ADGRF1: variants seen among roughly 807,000 people sequenced by gnomAD.
The protein encoded by ADGRF1 is G protein-coupled receptor 110.
ADGRF1 carries 85 observed loss-of-function variants against 87.2 expected under a neutral mutation model. The observed-to-expected ratio is 0.97, with a 90% CI of 0.82 to 1.17. The LOEUF is 1.17. ADGRF1 is among the 50% of genes most tolerant of loss of function. ADGRF1 has a pLI of 0.00. For synonymous variants in ADGRF1, 430 were observed against 408.8 expected, an observed-to-expected ratio of 1.05 and a Z score of -0.63; for missense variants, 1,169 against 1,077.2, an observed-to-expected ratio of 1.09 and a Z score of -1.19.
At chr6:47,013,145 C>G (rs1355318914) in intron 9 of ADGRF1, 15 of 985,322 alleles carry the variant, frequency 1.5e-5, no homozygotes, top group African/African-American at 1.7e-5. Flanking sequence ...TGGAAAGCAG[C>G]AAAGGAAGGC....
chr6:47,027,842 A>C (rs1020378035), intron 2 of ADGRF1, 81 bp from the exon 3 acceptor site: 2 of 872,882 alleles, frequency 2.3e-6, no homozygotes, highest in Admixed American at 3.9e-5. Flanking sequence ...TCCCAGATGA[A>C]TTAAAATCAT....
chr6:47,010,698 C>T (rs140915528), intron 10 of ADGRF1, among the ~76,000 whole-genome samples: 80 of 152,324 alleles, frequency 5.3e-4, no homozygotes, highest in Middle Eastern at 3.4e-3. Context: ...GCAGACACTA[C>T]TTTGTACTGC....
chr6:47,010,492 CT>C (rs991855143), intron 10 of ADGRF1, among the ~76,000 whole-genome samples, 174 bp from the exon 11 acceptor site: 1 of 152,168 alleles, frequency 6.6e-6, no homozygotes, highest in Non-Finnish European at 1.5e-5. Context: ...ACAGTAGAAG[CT>C]TTGGGCAAAA....
Position 47,014,750 on chromosome 6 carries a change from C to A in ADGRF1, c.858G>T (p.Lys286Asn). Residue 286 changes from lysine to asparagine, a missense_variant, in exon 9 of 15, where the codon AAG becomes AAT. Transcript: ENST00000371253. ...TGACCTGCCACCCAGAGGACTCACA[C>A]TTGGCTGTGATGTTTCCCCTGTAGC... Reference protein sequence around the residue: ...SSGYRGNITAKCESSGWQVIR... With the variant: ...SSGYRGNITANCESSGWQVIR... 6.2e-7 allele frequency: 1 copy of A among 1,614,022 alleles called. No homozygotes were observed. Among genetic ancestry groups the A allele is most frequent in the Non-Finnish European group, 8.5e-7 (1 of 1,179,974 alleles).
At chr6:47,035,829 A>T (rs1780572825) in intron 1 of ADGRF1, among the ~76,000 whole-genome samples, 1 of 152,188 alleles carries the variant, frequency 6.6e-6, no homozygotes, top group Admixed American at 6.5e-5. Flanking sequence ...GCATGTTCTC[A>T]CTTACAGTGG....
At chr6:47,026,991 C>T (rs963562576) in intron 3 of ADGRF1, among the ~76,000 whole-genome samples, 1 of 152,216 alleles carries the variant, frequency 6.6e-6, no homozygotes, top group Non-Finnish European at 1.5e-5. Flanking sequence ...GTCCCTGCCC[C>T]TAGTTCTGTG....
At chr6:47,029,693 A>T (rs1384711342) in intron 1 of ADGRF1, among the ~76,000 whole-genome samples, 1 of 152,236 alleles carries the variant, frequency 6.6e-6, no homozygotes, top group Non-Finnish European at 1.5e-5. Flanking sequence ...TGCATCAAAA[A>T]AATCACAAAA....
chr6:46,999,335 T>C lies in ADGRF1; in HGVS notation c.*887A>G, dbSNP rs1461974383. 1.3e-5 allele frequency: 2 copies of C among 152,182 alleles called. No individual in the cohort carries two copies. Among genetic ancestry groups the C allele is most frequent in the African/African-American group, 4.8e-5 (2 of 41,448 alleles). 9.4% of individuals were successfully genotyped at this position (152,182 alleles called of 1,614,324 possible). On this transcript the variant is annotated 3_prime_UTR_variant, in exon 15 of 15. Coordinates refer to ENST00000371253, the MANE Select transcript of ADGRF1 (RefSeq NM_153840.4). ...CTCTTACATAGAATTCTGGGAATGGTGAACTGTGTAACTGACCTCAGAAAG... is the reference window on the plus strand; with the variant it reads ...CTCTTACATAGAATTCTGGGAATGGCGAACTGTGTAACTGACCTCAGAAAG...
chr6:47,019,358 A>G (rs1779970705), intron 7 of ADGRF1: 15 of 985,352 alleles, frequency 1.5e-5, no homozygotes, highest in Non-Finnish European at 1.8e-5. Flanking sequence ...AATGCCCAGA[A>G]CAACATGTTT....
rs140048130 is a variant in ADGRF1, at chr6:47,028,880, A to G, written c.69+113T>C. Reference sequence around the variant, plus strand: ...ACGAGAACTCAGGACTTCTGATCTCAAGTACATTAAATTATGCAGTTGCAG... The same window carrying G: ...ACGAGAACTCAGGACTTCTGATCTCGAGTACATTAAATTATGCAGTTGCAG... On this transcript the variant is annotated intron_variant, in intron 2 of 14. Transcript: ENST00000371253. 765 of 803,214 alleles carry G rather than the reference A, an allele frequency of 9.5e-4. 17 individuals carry two copies. The East Asian group carries it at 0.015, about 16-fold the overall frequency. The allele number at this position is 803,214 out of a possible 1,614,324, so 49.8% of individuals were successfully genotyped here. A position where few individuals can be genotyped will look rare whatever the true frequency, so the allele number is the denominator to read the frequency against.
At chr6:47,034,187 A>C (rs1780519244) in intron 1 of ADGRF1, among the ~76,000 whole-genome samples, 1 of 152,192 alleles carries the variant, frequency 6.6e-6, no homozygotes, top group Non-Finnish European at 1.5e-5. Context: ...AAGAGGAAAA[A>C]TAAAGTGAGC....
rs199547878 is a variant in ADGRF1, at chr6:47,012,070, A to G, written c.1053T>C (p.Ile351=). 1 of 1,614,106 alleles carries G rather than the reference A, an allele frequency of 6.2e-7. No homozygotes were observed. The highest frequency in any genetic ancestry group is 2.2e-5 in the East Asian group (1 of 44,878). The change falls in exon 10 of 15, where the codon ATT becomes ATC. Residue 351 remains isoleucine (I), a synonymous_variant. Transcript: ENST00000371253. ...GTGACAGAGATGAAATATTGCTCAG[A>G]ATCGACACCACCGAAGCCAGATTCC... is the stretch of plus-strand genomic sequence containing the variant. ...TVGNLASVVS[I]LSNISSLSLA... is the part of the protein sequence containing the mutation.
rs779029812 is a variant in ADGRF1, at chr6:47,029,911, A to G, written c.-43-807T>C. Among the ~76,000 whole-genome samples, 3 of 152,246 alleles carry G rather than the reference A, an allele frequency of 2.0e-5. 1 individual carries two copies. The highest frequency in any genetic ancestry group is 4.4e-5 in the Non-Finnish European group (3 of 68,036). Reference sequence around the variant, plus strand: ...TTACATCATTGCTAAGTTTTACTCCACAGCATTGATAGAACTTAAAGGAAT... The same window carrying G: ...TTACATCATTGCTAAGTTTTACTCCGCAGCATTGATAGAACTTAAAGGAAT... On this transcript the variant is annotated intron_variant, in intron 1 of 14. Transcript: ENST00000371253.
In ADGRF1 at chr6:47,014,699, C is replaced by G. The variant is rs370815607; in HGVS notation, c.909G>C (p.Leu303=). 6.8e-6 allele frequency: 11 copies of G among 1,613,460 alleles called. No individual in the cohort carries two copies. In the African/African-American group the frequency reaches 1.2e-4, roughly 18 times the overall value. ...GCCTCACCTTGTTCAGTTCTTCAAG[C>G]AGAGAGAGCACACAAGTCTCCCTGA... ...QVIRETCVLS[L]LEELNKNFSM... Residue 303 remains leucine, a synonymous_variant, in exon 9 of 15, where the codon CTG becomes CTC. Coordinates refer to ENST00000371253, the MANE Select transcript of ADGRF1 (RefSeq NM_153840.4).
At position 47,009,021 on chromosome 6, in the gene ADGRF1, C is replaced by A. The variant is rs200697834; in HGVS notation, c.2414G>T (p.Gly805Val). 1.6e-5 allele frequency: 26 copies of A among 1,614,034 alleles called. No individual in the cohort carries two copies. The African/African-American group carries it at 2.4e-4, about 15-fold the overall frequency. ...ILTPLLGLTW[G>V]FGIGTIVDSQ... ...GTCCACTATTGTTCCTATTCCAAAG[C>A]CCCAGGTGAGCCCTAGCAGAGGGGT... is the stretch of plus-strand genomic sequence containing the variant. The change falls in exon 11 of 15, where the codon GGC becomes GTC. Residue 805 changes from glycine to valine, a missense_variant. By Grantham distance (109) the Gly-to-Val change is moderately radical. Transcript: ENST00000371253.
chr6:47,002,133 A>G (rs1217985776), intron 13 of ADGRF1, among the ~76,000 whole-genome samples: 3 of 152,210 alleles, frequency 2.0e-5, no homozygotes, highest in South Asian at 4.1e-4. Flanking sequence ...GTTTACATAC[A>G]TTATATATTT....
At chr6:47,034,079 G>A (rs939908733) in intron 1 of ADGRF1, among the ~76,000 whole-genome samples, 1 of 152,184 alleles carries the variant, frequency 6.6e-6, no homozygotes, top group African/African-American at 2.4e-5. Context: ...GCAGGAAGAG[G>A]TCTGGATGAA....
intron 10 of ADGRF1, 21 bp from the exon 11 acceptor site, chr6:47,010,339 T>G: frequency 6.4e-7 from 1 of 1,564,418 alleles, no homozygotes. Context: ...AGGATGAGAG[T>G]CAGTTTGTGT....
chr6:47,018,108 A>C (rs1779934589), intron 7 of ADGRF1: 1 of 229,750 alleles, frequency 4.4e-6, no homozygotes, highest in South Asian at 5.9e-5. Flanking sequence ...GACACATGAC[A>C]TTTGACATCC....
Sources: gnomAD v4.1 joint callset for allele counts (sites outside exome capture counted in the v4.1 genomes callset) on GRCh38, gnomAD v4.1.1 for gene constraint, MANE v1.5 for transcripts, NCBI Gene and HGNC (gene_info 2026-07-23, HGNC 2026-07-21) for gene names.